Variants in SBF2 observed in about 807,000 individuals in gnomAD.
SBF2 encodes myotubularin-related protein 13.
SBF2 carries 112 observed loss-of-function variants against 225.2 expected under a neutral mutation model. The observed-to-expected ratio is 0.50, with a 90% CI of 0.43 to 0.58. SBF2 has a LOEUF of 0.58. Ranked by LOEUF, SBF2 falls within the 20% of genes least tolerant of loss-of-function variation. The pLI, the probability that SBF2 is intolerant of heterozygous loss-of-function variation, is 0.00. For synonymous variants in SBF2, 763 were observed against 773.3 expected, an observed-to-expected ratio of 0.99 and a Z score of 0.22; for missense variants, 1,996 against 2,206.2, an observed-to-expected ratio of 0.90 and a Z score of 1.91.
At chr11:9,995,730 G>A (rs1483661800) in intron 9 of SBF2, among the ~76,000 whole-genome samples, 2 of 149,494 alleles carry the variant, frequency 1.3e-5, no homozygotes, top group African/African-American at 2.5e-5. Context: ...GGCTCACTGC[G>A]ACCTCCGCCT....
At chr11:9,817,173 C>T in intron 28 of SBF2, 149 bp from the exon 29 acceptor site, 1 of 795,334 alleles carries the variant, frequency 1.3e-6, no homozygotes, top group South Asian at 1.5e-5. Flanking sequence ...TCATTTGCTA[C>T]TTCTGTAACA....
intron 4 of SBF2, among the ~76,000 whole-genome samples, chr11:10,030,449 A>G (rs978410148): frequency 2.0e-5 from 3 of 152,212 alleles, no homozygotes; most frequent in African/African-American, 7.2e-5. Context: ...ACGCATTGTC[A>G]TTGAAATCTT....
intron 13 of SBF2, among the ~76,000 whole-genome samples, chr11:9,970,640 C>T (rs1352395407): frequency 4.6e-5 from 7 of 152,172 alleles, no homozygotes; most frequent in Admixed American, 1.3e-4. Context: ...CTCCCACTGC[C>T]GTAAGTGTCA....
intron 1 of SBF2, among the ~76,000 whole-genome samples, chr11:10,217,211 T>C (rs1183453285): frequency 6.6e-6 from 1 of 152,190 alleles, no homozygotes; most frequent in East Asian, 1.9e-4. Context: ...ATCCTTCATA[T>C]TGGAGAACTA....
At chr11:9,981,583 C>T (rs930829362) in intron 13 of SBF2, among the ~76,000 whole-genome samples, 2 of 152,156 alleles carry the variant, frequency 1.3e-5, no homozygotes, top group Admixed American at 6.5e-5. Context: ...TTTTAATGTT[C>T]AATTCTATAT....
At chr11:9,909,397 C>T (rs546333695) in intron 16 of SBF2, among the ~76,000 whole-genome samples, 1 of 151,716 alleles carries the variant, frequency 6.6e-6, no homozygotes, top group Non-Finnish European at 1.5e-5. Flanking sequence ...GGCGGCTGGG[C>T]GCGGTGGCTT....
intron 29 of SBF2, 81 bp downstream of exon 29, chr11:9,816,759 C>G: frequency 7.1e-7 from 1 of 1,414,950 alleles, no homozygotes; most frequent in Non-Finnish European, 9.8e-7. Context: ...AAAATTCTAG[C>G]AAAGCTGGTT....
chr11:9,797,041 T>C (rs535026466), intron 32 of SBF2, among the ~76,000 whole-genome samples: 1 of 152,342 alleles, frequency 6.6e-6, no homozygotes, highest in Non-Finnish European at 1.5e-5. Flanking sequence ...AAATTTTGTT[T>C]GGCTGAAGTA....
At chr11:10,069,619 T>C (rs1052048671) in intron 2 of SBF2, among the ~76,000 whole-genome samples, 1 of 152,218 alleles carries the variant, frequency 6.6e-6, no homozygotes. Context: ...GCAATAAACA[T>C]ACATGTGCAT....
intron 29 of SBF2, among the ~76,000 whole-genome samples, chr11:9,814,519 CAAA>C (rs1425600937): frequency 2.0e-5 from 3 of 151,714 alleles, no homozygotes; most frequent in African/African-American, 7.3e-5. Flanking sequence ...AAAAAAATAA[CAAA>C]ATAACTTATT....
At chr11:9,942,901 G>GAAAGAAAGAAAGAAAGAA (rs1554962757) in intron 16 of SBF2, among the ~76,000 whole-genome samples, 1 of 101,312 alleles carries the variant, frequency 9.9e-6, no homozygotes, top group Non-Finnish European at 2.2e-5. Flanking sequence ...AAGAGAGAGA[G>GAAAGAAAGAAAGAAAGAA]AGAAAGAAAG....
At chr11:10,114,317 A>G (rs921414080) in intron 2 of SBF2, among the ~76,000 whole-genome samples, 2 of 152,254 alleles carry the variant, frequency 1.3e-5, no homozygotes, top group Admixed American at 1.3e-4. Context: ...CTGAGATCTC[A>G]TGTTTTTCTT....
chr11:9,888,504 C>CAA (rs11379489), intron 17 of SBF2, among the ~76,000 whole-genome samples: 38,320 of 137,748 alleles, frequency 0.28, 5,687 homozygotes, highest in African/African-American at 0.42. Context: ...AAACCAGTCT[C>CAA]AAAAAAAAAA....
At chr11:9,881,423 C>T (rs1047781259) in intron 17 of SBF2, among the ~76,000 whole-genome samples, 10 of 151,954 alleles carry the variant, frequency 6.6e-5, no homozygotes, top group African/African-American at 1.2e-4. Context: ...TTAGGAAGAA[C>T]GAGTAACTGT....
rs769933703 is a variant in SBF2 at position 9,875,293 on chromosome 11, A to C, written c.1930-16897T>G. On this transcript the variant is annotated intron_variant, in intron 17 of 39. Transcript: ENST00000256190. ...ATAAATAGCTATAAAGTTACATTAA[A>C]CTGTTCTAGGACTGCAGATGGTTTT... Among the ~76,000 whole-genome samples the C allele has an allele frequency of 2.6e-5, 4 of 152,308 alleles. No individual in the cohort carries two copies. The East Asian group carries it at 7.7e-4, about 29-fold the overall frequency.
chr11:10,170,840 A>G (rs1956153981), intron 2 of SBF2, among the ~76,000 whole-genome samples: 2 of 151,740 alleles, frequency 1.3e-5, no homozygotes, highest in Admixed American at 1.3e-4. Context: ...TCAGTGATTT[A>G]TAATTTTCAT....
chr11:9,837,069 T>C (rs557128081), intron 26 of SBF2, among the ~76,000 whole-genome samples: 2 of 152,236 alleles, frequency 1.3e-5, no homozygotes, highest in African/African-American at 2.4e-5. Flanking sequence ...TCAATTTTTA[T>C]ACCTTTTATT....
chr11:9,891,702 C>T (rs1590349153), intron 17 of SBF2, among the ~76,000 whole-genome samples: 1 of 152,120 alleles, frequency 6.6e-6, no homozygotes, highest in African/African-American at 2.4e-5. Flanking sequence ...AGAAGGCTTC[C>T]GTAAGAGTTA....
intron 1 of SBF2, among the ~76,000 whole-genome samples, chr11:10,273,206 TAGAA>T (rs1238937287): frequency 6.6e-6 from 1 of 152,210 alleles, no homozygotes; most frequent in Non-Finnish European, 1.5e-5. Flanking sequence ...TAATTATTAG[TAGAA>T]AGAACAGACC....
Sources: gnomAD v4.1 joint callset for allele counts (sites outside exome capture counted in the v4.1 genomes callset) on GRCh38, gnomAD v4.1.1 for gene constraint, MANE v1.5 for transcripts, NCBI Gene and HGNC (gene_info 2026-07-23, HGNC 2026-07-21) for gene names.